The following MPV17 variants were observed in gnomAD, a reference collection of about 807,000 sequenced individuals.
MPV17 encodes mitochondrial inner membrane protein MPV17, also known as MPV17, mitochondrial inner membrane protein.
In MPV17, 31 loss-of-function variants were observed where a neutral mutation model predicts 28.6. The ratio of observed to expected loss-of-function variants is 1.08; its 90% CI spans 0.81 to 1.46. The LOEUF (loss-of-function observed/expected upper bound fraction) is 1.46. MPV17 is among the 40% of genes most tolerant of loss of function. The pLI is 0.00. For missense variants in MPV17, 198 were observed against 216.2 expected (o/e 0.92, Z 0.53); for synonymous variants, 87 against 85.3 (o/e 1.02, Z -0.11).
chr2:27,314,972 G>T (rs904066870), intron 2 of MPV17, among the ~76,000 whole-genome samples: 1 of 152,186 alleles, frequency 6.6e-6, no homozygotes, highest in Non-Finnish European at 1.5e-5. Flanking sequence ...GGAAACCCGT[G>T]GCTCACCTCG....
At position 27,312,586 on chromosome 2, in the gene MPV17, C is replaced by G; in HGVS notation, c.283G>C (p.Gly95Arg). 1 of 1,614,074 alleles carries G rather than the reference C, an allele frequency of 6.2e-7. No homozygotes were observed. Among genetic ancestry groups the G allele is most frequent in the Non-Finnish European group, 8.5e-7 (1 of 1,179,958 alleles). Reference sequence around the variant, plus strand: ...CAGCCTAGAAAACACGGGGCAAAGCCCCCCTAGGGAAGAGAAATTAAAGTC... The same window carrying G: ...CAGCCTAGAAAACACGGGGCAAAGCGCCCCTAGGGAAGAGAAATTAAAGTC... ...ALKKMLLDQGGFAPCFLGCFL... is the reference protein window; with the variant it reads ...ALKKMLLDQGRFAPCFLGCFL... The change falls in exon 5 of 8, where the codon GGC (glycine) becomes CGC (arginine). Residue 95 changes from glycine to arginine, a missense_variant. Transcript: ENST00000380044.
At chr2:27,320,454 A>G (rs1679817143) in intron 2 of MPV17, among the ~76,000 whole-genome samples, 1 of 151,368 alleles carries the variant, frequency 6.6e-6, no homozygotes, top group Admixed American at 6.6e-5. Context: ...CTCCTGCCTC[A>G]GCCTCCCAAG....
At chr2:27,320,185 C>G (rs576602184) in intron 2 of MPV17, among the ~76,000 whole-genome samples, 1 of 149,788 alleles carries the variant, frequency 6.7e-6, no homozygotes, top group Non-Finnish European at 1.5e-5. Flanking sequence ...TGCAGTGAGT[C>G]GAGATCACGC....
intron 2 of MPV17, chr2:27,316,205 A>G: frequency 1.3e-6 from 2 of 1,551,062 alleles, no homozygotes; most frequent in Non-Finnish European, 1.7e-6. Context: ...GAAACAGAGA[A>G]GTGTGTGTTT....
chr2:27,314,010 C>A (rs534780333), intron 2 of MPV17, among the ~76,000 whole-genome samples: 3 of 152,246 alleles, frequency 2.0e-5, no homozygotes, highest in Admixed American at 2.0e-4. Flanking sequence ...CTGTGCCTGG[C>A]CAGAATAAAT....
chr2:27,312,827 A>G (rs1424790992), intron 3 of MPV17, 55 bp from the exon 4 acceptor site: 2 of 1,573,408 alleles, frequency 1.3e-6, no homozygotes, highest in African/African-American at 2.7e-5. Flanking sequence ...CTAGGCCTCT[A>G]CCTCACTAAG....
intron 2 of MPV17, chr2:27,322,116 C>T (rs948234310): frequency 7.8e-6 from 3 of 382,834 alleles, no homozygotes; most frequent in Admixed American, 4.1e-5. Flanking sequence ...TATGCCATAA[C>T]GTATATGAAA....
chr2:27,313,248 TCCCTTC>T, intron 2 of MPV17, 139 bp from the exon 3 acceptor site: 4 of 1,538,468 alleles, frequency 2.6e-6, no homozygotes, highest in Non-Finnish European at 3.5e-6. Flanking sequence ...AAATGACTAG[TCCCTTC>T]CTGCTGCCTC....
In MPV17 at chr2:27,313,022, G is replaced by GTC; in HGVS notation, c.156_157dup (p.Thr53ArgfsTer15). 6.2e-7 allele frequency: 1 copy of GTC among 1,614,206 alleles called. No homozygotes were observed. Among genetic ancestry groups the GTC allele is most frequent in the Non-Finnish European group, 8.5e-7 (1 of 1,180,030 alleles). On this transcript the variant is annotated frameshift_variant, in exon 3 of 8. Transcript: ENST00000380044. LOFTEE classifies it high-confidence loss of function. ...AAAGCCACAGCCCAGGGACACCATG[G>GTC]TCAGAGTCCGGCCTCTCTGGTGTTC...
chr2:27,318,979 G>A (rs1359843081), intron 2 of MPV17, among the ~76,000 whole-genome samples: 1 of 151,856 alleles, frequency 6.6e-6, no homozygotes, highest in Non-Finnish European at 1.5e-5. Flanking sequence ...TGGCCAGGCT[G>A]GTCTCAAACT....
chr2:27,312,833 C>T, intron 3 of MPV17, 61 bp from the exon 4 acceptor site: 1 of 1,569,138 alleles, frequency 6.4e-7, no homozygotes, highest in Non-Finnish European at 8.8e-7. Context: ...CTCTACCTCA[C>T]TAAGCTCCCT....
rs1437346534 is a variant in MPV17 at position 27,317,951 on chromosome 2, T to C, written c.70+4497A>G. On this transcript the variant is annotated intron_variant, in intron 2 of 7. Coordinates refer to ENST00000380044, the MANE Select transcript of MPV17 (RefSeq NM_002437.5). This position sits in a 1 kb window ranked among gnomAD's most constrained non-coding sequence, Gnocchi z 4.0. ...CAGCCATTACTGCAGTTCTACTGGA[T>C]AGATTCTTGCTTCAGGCCTGTGCCA... is the stretch of plus-strand genomic sequence containing the variant. 6.6e-6 allele frequency among the ~76,000 whole-genome samples: 1 copy of C among 152,244 alleles called. No homozygotes were observed. Among genetic ancestry groups the C allele is most frequent in the Non-Finnish European group, 1.5e-5 (1 of 68,050 alleles).
At chr2:27,313,283 A>T in intron 2 of MPV17, 174 bp from the exon 3 acceptor site, 4 of 1,400,558 alleles carry the variant, frequency 2.9e-6, no homozygotes, top group Non-Finnish European at 2.9e-6. Context: ...CACCTCCCCA[A>T]TGATGGTGAC....
chr2:27,315,799 T>A, intron 2 of MPV17: 1 of 764,902 alleles, frequency 1.3e-6, no homozygotes. Context: ...TGACCCCAGG[T>A]GATCCACCTG....
At chr2:27,312,060 T>C in intron 6 of MPV17, 109 bp from the exon 7 acceptor site, 1 of 1,473,800 alleles carries the variant, frequency 6.8e-7, no homozygotes, top group Non-Finnish European at 9.5e-7. Context: ...AGGTGAACAG[T>C]TGGGTGATGG....
Position 27,316,296 on chromosome 2 carries a change from C to A in MPV17, c.71-3187G>T, listed in dbSNP as rs577802664. On this transcript the variant is annotated intron_variant, in intron 2 of 7. Transcript: ENST00000380044. The stretch of plus-strand genomic sequence containing the variant: ...GAAAAGCCAAGTCCCTGACTTCTAG[C>A]CCCATAGTTCTGGAAGCCTGCAGCC... The A allele has an allele frequency of 1.6e-4, 206 of 1,302,780 alleles. 1 individual carries two copies. Among genetic ancestry groups the A allele is most frequent in the Non-Finnish European group, 2.1e-4 (196 of 938,450 alleles). The allele number at this position is 1,302,780 out of a possible 1,614,324, so 80.7% of individuals were successfully genotyped here. A position where few individuals can be genotyped will look rare whatever the true frequency, so the allele number is the denominator to read the frequency against.
chr2:27,312,341 G>A (rs1238618881), intron 5 of MPV17, 95 bp from the exon 6 acceptor site: 3 of 1,450,512 alleles, frequency 2.1e-6, no homozygotes, highest in East Asian at 2.3e-5. Context: ...GGTTCAAAGA[G>A]CACATTCCTG....
intron 7 of MPV17, chr2:27,311,617 A>G: frequency 6.4e-7 from 1 of 1,550,608 alleles, no homozygotes; most frequent in Non-Finnish European, 8.7e-7. Context: ...CCCTCCAGAT[A>G]TGCCATCAAA....
At chr2:27,315,584 T>G (rs1044175379) in intron 2 of MPV17, 1 of 153,790 alleles carries the variant, frequency 6.5e-6, no homozygotes, top group Non-Finnish European at 1.4e-5. Flanking sequence ...ATTTTTGAGA[T>G]GGAGTCTCAT....
Sources: allele counts gnomAD v4.1 joint callset (sites outside exome capture counted in the v4.1 genomes callset), GRCh38; gene constraint gnomAD v4.1.1; non-coding constraint Gnocchi (gnomAD v3.1); transcripts MANE v1.5; gene names NCBI Gene and HGNC (gene_info 2026-07-23, HGNC 2026-07-21).